DEUP1: variants seen among roughly 807,000 people sequenced by gnomAD.
DEUP1 encodes deuterosome assembly protein 1.
Under a neutral mutation model 87.4 loss-of-function variants are expected in DEUP1, and 82 were observed. That is an observed-to-expected ratio of 0.94 (90% CI 0.78 to 1.13). The LOEUF (loss-of-function observed/expected upper bound fraction) is 1.13. Ranked by LOEUF, DEUP1 falls within the 50% of genes most tolerant of loss-of-function variation. The probability of loss-of-function intolerance (pLI) is 0.00; values close to 1 mark genes in which losing one functional copy is unlikely to be tolerated. For missense variants in DEUP1, 663 were observed against 681.5 expected (o/e 0.97, Z 0.30); for synonymous variants, 214 against 222.7 (o/e 0.96, Z 0.35).
chr11:93,391,813 G>A (rs2925353), intron 9 of DEUP1, among the ~76,000 whole-genome samples: 70,057 of 151,828 alleles, frequency 0.46, 16,877 homozygotes, highest in Admixed American at 0.61. Context: ...TAGACTGACC[G>A]TGTTATTTCA....
At chr11:93,433,003 CT>C (rs1185318800) in intron 13 of DEUP1, among the ~76,000 whole-genome samples, 1 of 152,078 alleles carries the variant, frequency 6.6e-6, no homozygotes, top group Non-Finnish European at 1.5e-5. Context: ...TTCAGTCAAT[CT>C]CATGGCCTTG....
chr11:93,331,366 CTTT>C (rs35351033), intron 1 of DEUP1, among the ~76,000 whole-genome samples: 1 of 145,106 alleles, frequency 6.9e-6, no homozygotes, highest in Non-Finnish European at 1.5e-5. Context: ...CTGAGAAAAA[CTTT>C]TTTTTTTTTT....
chr11:93,392,823 C>T (rs1591213069), intron 9 of DEUP1, among the ~76,000 whole-genome samples: 2 of 152,112 alleles, frequency 1.3e-5, no homozygotes, highest in East Asian at 3.9e-4. Context: ...CCTTATTTCT[C>T]AGAGCAGCTA....
chr11:93,373,903 A>G (rs1424623252), intron 7 of DEUP1, among the ~76,000 whole-genome samples: 5 of 152,066 alleles, frequency 3.3e-5, no homozygotes, highest in Non-Finnish European at 5.9e-5. Flanking sequence ...TTACATTCCC[A>G]CCAGCAGGGT....
At chr11:93,436,013 A>AT (rs1179680084) in intron 13 of DEUP1, among the ~76,000 whole-genome samples, 53 of 130,512 alleles carry the variant, frequency 4.1e-4, no homozygotes, top group African/African-American at 1.3e-3. Flanking sequence ...AAAAAAAAAA[A>AT]TTTTTTCTGT....
intron 13 of DEUP1, 71 bp from the exon 14 acceptor site, chr11:93,437,472 C>T: frequency 8.4e-7 from 1 of 1,183,660 alleles, no homozygotes; most frequent in Non-Finnish European, 1.2e-6. Flanking sequence ...AGGGATGAAG[C>T]ATGCCTGGAA....
At chr11:93,429,067 G>T (rs1029012271) in intron 13 of DEUP1, among the ~76,000 whole-genome samples, 1 of 151,884 alleles carries the variant, frequency 6.6e-6, no homozygotes, top group Non-Finnish European at 1.5e-5. Context: ...TTTTCTGTTG[G>T]ATTGTCTTTA....
chr11:93,344,249 C>T (rs941488698), intron 2 of DEUP1, among the ~76,000 whole-genome samples: 19 of 151,778 alleles, frequency 1.3e-4, no homozygotes, highest in African/African-American at 4.4e-4. Flanking sequence ...GTGTATGTCT[C>T]GGGTCTGATA....
chr11:93,414,972 A>G (rs1436547700), intron 12 of DEUP1, 28 bp from the exon 13 acceptor site: 11 of 1,277,404 alleles, frequency 8.6e-6, no homozygotes, highest in Non-Finnish European at 1.1e-5. Flanking sequence ...CTTGATAGCA[A>G]CAACAACAAC....
At position 93,339,338 on chromosome 11, in the gene DEUP1, A is replaced by C. The variant is rs149276208; in HGVS notation, c.29+7050A>C. Among the ~76,000 whole-genome samples the C allele has an allele frequency of 1.8e-4, 28 of 152,364 alleles. No individual in the cohort carries two copies. In the East Asian group the frequency reaches 5.4e-3, roughly 29 times the overall value. On this transcript the variant is annotated intron_variant, in intron 2 of 13. Transcript: ENST00000298050. ...TGCTAGAGTACAAGATGAGCAGCAC[A>C]CAGCTAGGTGCACTATACAATCCAT... is the stretch of plus-strand genomic sequence containing the variant.
chr11:93,378,647 C>A (rs1275707326), intron 7 of DEUP1, among the ~76,000 whole-genome samples: 2 of 151,916 alleles, frequency 1.3e-5, no homozygotes, highest in Admixed American at 1.3e-4. Context: ...TGCTGAAGAA[C>A]CTTGTTTTGT....
chr11:93,358,434 T>A (rs1043442922), intron 4 of DEUP1, among the ~76,000 whole-genome samples: 3 of 152,194 alleles, frequency 2.0e-5, no homozygotes, highest in Non-Finnish European at 4.4e-5. Flanking sequence ...AAGCTAATGC[T>A]GGCCAAGTTA....
chr11:93,341,079 C>G (rs1944047063), intron 2 of DEUP1, among the ~76,000 whole-genome samples: 1 of 152,170 alleles, frequency 6.6e-6, no homozygotes, highest in African/African-American at 2.4e-5. Flanking sequence ...GAGAAGCCAG[C>G]TCTGAGATAA....
At chr11:93,372,170 C>A (rs1435531927) in intron 7 of DEUP1, among the ~76,000 whole-genome samples, 1 of 151,988 alleles carries the variant, frequency 6.6e-6, no homozygotes, top group Admixed American at 6.5e-5. Flanking sequence ...CCTCGTGATC[C>A]GCCCGCCTCG....
chr11:93,428,023 G>T (rs1947982152), intron 13 of DEUP1, among the ~76,000 whole-genome samples: 1 of 152,006 alleles, frequency 6.6e-6, no homozygotes, highest in East Asian at 1.9e-4. Context: ...TACACTGTTG[G>T]TGGGACTGTA....
Position 93,417,880 on chromosome 11 carries a change from A to C in DEUP1, c.1638+2766A>C, listed in dbSNP as rs562240544. 1.6e-3 allele frequency among the ~76,000 whole-genome samples: 240 copies of C among 152,234 alleles called. 1 individual carries two copies. The highest frequency in any genetic ancestry group is 5.5e-3 in the African/African-American group (230 of 41,536). On this transcript the variant is annotated intron_variant, in intron 13 of 13. Coordinates refer to ENST00000298050, the MANE Select transcript of DEUP1 (RefSeq NM_181645.4). ...AGAGCCCTCAGAAATAATACCGCAT[A>C]TCTACAACTATCTGATCTTTGACAA...
chr11:93,340,489 A>G (rs1944011602), intron 2 of DEUP1, among the ~76,000 whole-genome samples: 1 of 152,226 alleles, frequency 6.6e-6, no homozygotes, highest in South Asian at 2.1e-4. Flanking sequence ...TTCAGATTTC[A>G]CTGTGTAAAA....
chr11:93,365,706 TG>T (rs1945380972), intron 5 of DEUP1, among the ~76,000 whole-genome samples: 1 of 152,214 alleles, frequency 6.6e-6, no homozygotes, highest in Non-Finnish European at 1.5e-5. Context: ...CAAAATATTT[TG>T]ATATGTTTGC....
intron 12 of DEUP1, among the ~76,000 whole-genome samples, chr11:93,409,101 C>T (rs1947363053): frequency 6.6e-6 from 1 of 152,304 alleles, no homozygotes; most frequent in East Asian, 1.9e-4. Flanking sequence ...AAGTGATCCA[C>T]CCACCTCAGC....
Sources: allele counts gnomAD v4.1 joint callset (sites outside exome capture counted in the v4.1 genomes callset), GRCh38; gene constraint gnomAD v4.1.1; transcripts MANE v1.5; gene names NCBI Gene and HGNC (gene_info 2026-07-23, HGNC 2026-07-21).